The following ARNT2 variants were observed in gnomAD, a reference collection of about 807,000 sequenced individuals.
The protein encoded by ARNT2 is ARNT protein 2.
A neutral mutation model predicts 91.7 loss-of-function variants in ARNT2; 36 were observed. The ratio of observed to expected loss-of-function variants is 0.39; its 90% CI spans 0.30 to 0.52. ARNT2 has a LOEUF of 0.52. Among genes scored for constraint, ARNT2 ranks in the 20% least tolerant of loss-of-function variants. ARNT2 has a pLI of 0.72. For synonymous variants in ARNT2, 365 were observed against 347.1 expected, an observed-to-expected ratio of 1.05 and a Z score of -0.57; for missense variants, 775 against 939.3, an observed-to-expected ratio of 0.83 and a Z score of 2.29.
rs371803824 is a variant in ARNT2 at position 80,523,387 on chromosome 15, G to T, written c.877+8982G>T. 7.2e-5 allele frequency among the ~76,000 whole-genome samples: 11 copies of T among 152,260 alleles called. No homozygotes were observed. In the South Asian group the frequency reaches 2.3e-3, roughly 32 times the overall value. ...CAGTGCATGCACAGGTGACTATGGG[G>T]AGTGTGGTCAGGGCAGGCAGCCTTG... is the stretch of plus-strand genomic sequence containing the variant. On this transcript the variant is annotated intron_variant, in intron 8 of 18. Transcript: ENST00000303329.
chr15:80,576,125 C>A (rs1898669491), intron 14 of ARNT2, among the ~76,000 whole-genome samples: 1 of 152,132 alleles, frequency 6.6e-6, no homozygotes, highest in Admixed American at 6.5e-5. Flanking sequence ...CACCTCTTAC[C>A]TTGGAGATGG....
chr15:80,487,334 G>A (rs1055409815), intron 5 of ARNT2, among the ~76,000 whole-genome samples: 5 of 152,316 alleles, frequency 3.3e-5, no homozygotes, highest in South Asian at 2.1e-4. Context: ...ATCCAGAGCC[G>A]AGGTCAGGGC....
chr15:80,492,377 GATA>G (rs1897069493), intron 5 of ARNT2, among the ~76,000 whole-genome samples: 1 of 152,082 alleles, frequency 6.6e-6, no homozygotes, highest in Non-Finnish European at 1.5e-5. Flanking sequence ...CTTCAAATCA[GATA>G]ATGTTAGTCC....
At chr15:80,423,965 G>GT (rs1895899289) in intron 1 of ARNT2, among the ~76,000 whole-genome samples, 2 of 152,194 alleles carry the variant, frequency 1.3e-5, no homozygotes, top group Admixed American at 1.3e-4. Context: ...TTAAGGCACT[G>GT]TTTCTCTTCC....
chr15:80,559,250 T>C (rs1021411118), intron 11 of ARNT2, among the ~76,000 whole-genome samples: 2 of 152,198 alleles, frequency 1.3e-5, no homozygotes, highest in African/African-American at 4.8e-5. Context: ...TAAGTAACTC[T>C]CACTCTGTGA....
intron 1 of ARNT2, among the ~76,000 whole-genome samples, chr15:80,422,032 C>G (rs924480763): frequency 3.9e-5 from 6 of 152,148 alleles, no homozygotes; most frequent in Non-Finnish European, 7.4e-5. Flanking sequence ...GAATTCAGCA[C>G]AGAATCAGAG....
intron 5 of ARNT2, among the ~76,000 whole-genome samples, chr15:80,476,348 A>G (rs1395876012): frequency 6.6e-6 from 1 of 152,208 alleles, no homozygotes; most frequent in Non-Finnish European, 1.5e-5. Context: ...TCAGCTAGGC[A>G]CAACCTTTCT....
chr15:80,517,890 C>T (rs1218875351), intron 8 of ARNT2, among the ~76,000 whole-genome samples: 1 of 152,092 alleles, frequency 6.6e-6, no homozygotes, highest in South Asian at 2.1e-4. Flanking sequence ...TATTATCCAT[C>T]TGTTCTTGCA....
intron 9 of ARNT2, among the ~76,000 whole-genome samples, chr15:80,551,888 T>C (rs1898086627): frequency 6.6e-6 from 1 of 152,214 alleles, no homozygotes; most frequent in Non-Finnish European, 1.5e-5. Flanking sequence ...TACTCTTCTT[T>C]CACTGTCTGT....
At chr15:80,526,538 A>G (rs957447282) in intron 8 of ARNT2, among the ~76,000 whole-genome samples, 1 of 152,216 alleles carries the variant, frequency 6.6e-6, no homozygotes, top group African/African-American at 2.4e-5. Context: ...TGCCAGGTTA[A>G]CTGGCAGTGT....
At chr15:80,522,301 C>G (rs1169199737) in intron 8 of ARNT2, among the ~76,000 whole-genome samples, 2 of 152,128 alleles carry the variant, frequency 1.3e-5, no homozygotes, top group Non-Finnish European at 2.9e-5. Flanking sequence ...TATAACCTGC[C>G]TAAACTCATA....
chr15:80,459,039 T>G (rs957976610), intron 3 of ARNT2, among the ~76,000 whole-genome samples: 7 of 152,198 alleles, frequency 4.6e-5, no homozygotes, highest in Non-Finnish European at 4.4e-5. Flanking sequence ...CAAACTGCAT[T>G]GCGATTGTGA....
intron 1 of ARNT2, among the ~76,000 whole-genome samples, chr15:80,432,681 T>G (rs77144045): frequency 0.028 from 4,316 of 152,084 alleles, 84 homozygotes; most frequent in South Asian, 0.088. Flanking sequence ...GATCTTCTGC[T>G]TGGGCTGAGG....
intron 3 of ARNT2, among the ~76,000 whole-genome samples, chr15:80,461,410 C>T (rs940885969): frequency 6.6e-6 from 1 of 152,048 alleles, no homozygotes; most frequent in East Asian, 1.9e-4. Flanking sequence ...GCCGGCAGGC[C>T]GGAGGAGTGA....
At chr15:80,565,356 G>A (rs1370786111) in intron 12 of ARNT2, among the ~76,000 whole-genome samples, 1 of 152,138 alleles carries the variant, frequency 6.6e-6, no homozygotes, top group Non-Finnish European at 1.5e-5. Context: ...TTTCCTTTGA[G>A]TATATACCCA....
chr15:80,506,428 A>C (rs1467557803), intron 5 of ARNT2, among the ~76,000 whole-genome samples: 4 of 152,208 alleles, frequency 2.6e-5, no homozygotes, highest in Non-Finnish European at 2.9e-5. Flanking sequence ...GAATGACTAA[A>C]AGGAAACATC....
intron 17 of ARNT2, among the ~76,000 whole-genome samples, chr15:80,582,388 C>G (rs1369179216): frequency 6.6e-6 from 1 of 151,326 alleles, no homozygotes; most frequent in African/African-American, 2.4e-5. Context: ...TCCAGCTACT[C>G]AGGAGGCTAA....
intron 1 of ARNT2, among the ~76,000 whole-genome samples, chr15:80,427,381 C>T (rs35444462): frequency 0.28 from 41,987 of 151,904 alleles, 6,288 homozygotes; most frequent in Non-Finnish European, 0.35. Context: ...CTGTCCTGCT[C>T]TATTTTGAGC....
chr15:80,567,277 A>G (rs1895175847), intron 12 of ARNT2, among the ~76,000 whole-genome samples: 1 of 149,116 alleles, frequency 6.7e-6, no homozygotes, highest in African/African-American at 2.6e-5. Flanking sequence ...GAGGAGGAAA[A>G]CACCATCCTG....
Sources: gnomAD v4.1 joint callset for allele counts (sites outside exome capture counted in the v4.1 genomes callset) on GRCh38, gnomAD v4.1.1 for gene constraint, MANE v1.5 for transcripts, NCBI Gene and HGNC (gene_info 2026-07-23, HGNC 2026-07-21) for gene names.